The following PCDHA2 variants were observed in gnomAD, a reference collection of about 807,000 sequenced individuals.
PCDHA2 encodes the protein protocadherin alpha 2, also known as protocadherin alpha-2.
In PCDHA2, 58 loss-of-function variants were observed where a neutral mutation model predicts 66.0. That is an observed-to-expected ratio of 0.88 (90% confidence interval 0.71 to 1.09). PCDHA2 has a LOEUF of 1.09. Among genes scored for constraint, PCDHA2 ranks in the 50% least tolerant of loss-of-function variants. The pLI is 0.00. For missense variants in PCDHA2, 1,267 were observed against 1,242.3 expected, an observed-to-expected ratio of 1.02 and a Z score of -0.30; for synonymous variants, 634 against 554.0, an observed-to-expected ratio of 1.14 and a Z score of -2.03.
Position 140,943,173 on chromosome 5 carries a change from G to A in PCDHA2, c.2389-35776G>A, listed in dbSNP as rs143950290. On this transcript the variant is annotated intron_variant, in intron 1 of 3. Coordinates refer to ENST00000526136, the MANE Select transcript of PCDHA2 (RefSeq NM_018905.3). ...CTCTGGAGGCTGAGGCAGGAAAATC[G>A]CTTGAACCCTGGAGGTGGAGGCTGC... is the stretch of plus-strand genomic sequence containing the variant. Among the ~76,000 whole-genome samples the A allele has an allele frequency of 5.6e-3, 834 of 148,712 alleles. 7 individuals are homozygous for A. Among genetic ancestry groups the A allele is most frequent in the African/African-American group, 0.019 (751 of 40,052 alleles).
intron 1 of PCDHA2, chr5:140,807,563 A>G: frequency 1.2e-6 from 2 of 1,614,194 alleles, no homozygotes; most frequent in South Asian, 1.1e-5. Flanking sequence ...GGTGAGGGAC[A>G]TTAACGATAA....
rs976104418 is a variant in PCDHA2 at position 140,967,290 on chromosome 5, C to G, written c.2389-11659C>G. The G allele has an allele frequency of 3.1e-6, 5 of 1,612,712 alleles. No individual in the cohort carries two copies. In the African/African-American group the frequency reaches 5.3e-5, roughly 17 times the overall value. ...TTTCACATAGAGAGTGCGCAGGACC[C>G]CGACGTGGGCGCCAACTCAGTACAG... On this transcript the variant is annotated intron_variant, in intron 1 of 3. Coordinates refer to ENST00000526136, the MANE Select transcript of PCDHA2 (RefSeq NM_018905.3).
chr5:140,900,543 C>T (rs889758586), intron 1 of PCDHA2, among the ~76,000 whole-genome samples: 2 of 152,210 alleles, frequency 1.3e-5, no homozygotes, highest in African/African-American at 4.8e-5. Context: ...TTCCAAAGTG[C>T]TGGGATTACA....
intron 1 of PCDHA2, chr5:140,870,128 C>T: frequency 6.2e-7 from 1 of 1,613,948 alleles, no homozygotes; most frequent in Non-Finnish European, 8.5e-7. Flanking sequence ...ATCTTGGACA[C>T]CAACGATAAC....
intron 1 of PCDHA2, chr5:140,863,137 G>GT (rs1309983213): frequency 1.7e-6 from 1 of 604,700 alleles, no homozygotes; most frequent in Admixed American, 1.9e-5. Context: ...CCGCCTGCTG[G>GT]TGCTGGTGAA....
In PCDHA2 at chr5:140,795,945, C is replaced by T. The variant is rs141546686; in HGVS notation, c.981C>T (p.Thr327=). 25 of 1,613,668 alleles carry T rather than the reference C, an allele frequency of 1.5e-5. No individual in the cohort carries two copies. The African/African-American group carries it at 2.8e-4, about 18-fold the overall frequency. ...EIQVTATDKG[T]PSMSGHCKIS... ...AGGTCACTGCAACTGACAAAGGAAC[C>T]CCTTCAATGTCAGGACATTGTAAAA... Residue 327 remains threonine, a synonymous_variant, in exon 1 of 4, where the codon ACC becomes ACT. Coordinates refer to ENST00000526136, the MANE Select transcript of PCDHA2 (RefSeq NM_018905.3).
chr5:140,928,860 G>T, intron 1 of PCDHA2: 8 of 1,614,154 alleles, frequency 5.0e-6, no homozygotes, highest in Non-Finnish European at 6.8e-6. Flanking sequence ...GTGTGCTGTT[G>T]AGCAACTCTG....
intron 1 of PCDHA2, among the ~76,000 whole-genome samples, chr5:140,952,990 G>T (rs1218296143): frequency 6.6e-6 from 1 of 152,042 alleles, no homozygotes; most frequent in Non-Finnish European, 1.5e-5. Context: ...GATCTCATGA[G>T]AACTCTCTCA....
chr5:140,823,159 T>C, intron 1 of PCDHA2: 2 of 1,613,740 alleles, frequency 1.2e-6, no homozygotes, highest in Non-Finnish European at 1.7e-6. Flanking sequence ...GTATACCGTG[T>C]TCGTGAAGGA....
rs868916626 is a variant in PCDHA2, at chr5:140,946,629, T to C, written c.2389-32320T>C. 3.4e-3 allele frequency among the ~76,000 whole-genome samples: 415 copies of C among 123,330 alleles called. 16 individuals carry two copies. The highest frequency in any genetic ancestry group is 0.017 in the Middle Eastern group (4 of 240). The allele number at this position is 123,330 out of a possible 152,430, so 80.9% of individuals were successfully genotyped here. On this transcript the variant is annotated intron_variant, in intron 1 of 3. Coordinates refer to ENST00000526136, the MANE Select transcript of PCDHA2 (RefSeq NM_018905.3). ...AATGTGAAATATATATATATATATATATACAATGGAATACTCATCAGCCAT... is the reference window on the plus strand; with the variant it reads ...AATGTGAAATATATATATATATATACATACAATGGAATACTCATCAGCCAT...
intron 1 of PCDHA2, among the ~76,000 whole-genome samples, chr5:140,907,751 A>T (rs1443394789): frequency 1.3e-5 from 2 of 152,134 alleles, no homozygotes; most frequent in African/African-American, 4.8e-5. Context: ...CACTTTGTTC[A>T]TGGGCCCATT....
chr5:140,840,029 G>A (rs916611667), intron 1 of PCDHA2, among the ~76,000 whole-genome samples: 1 of 152,050 alleles, frequency 6.6e-6, no homozygotes, highest in African/African-American at 2.4e-5. Flanking sequence ...GTCACGTAGC[G>A]TATCTCCCAG....
At chr5:140,856,690 T>G (rs1368181199) in intron 1 of PCDHA2, 2 of 1,597,086 alleles carry the variant, frequency 1.3e-6, no homozygotes, top group African/African-American at 2.7e-5. Context: ...TGACAGCAAC[T>G]GATGGAGGCA....
At chr5:140,941,760 T>A (rs1343959883) in intron 1 of PCDHA2, among the ~76,000 whole-genome samples, 2 of 152,234 alleles carry the variant, frequency 1.3e-5, no homozygotes, top group Non-Finnish European at 1.5e-5. Flanking sequence ...TCAGTGCTTT[T>A]AAGATAATTG....
At chr5:140,891,078 T>G (rs1554184657) in intron 1 of PCDHA2, among the ~76,000 whole-genome samples, 1 of 152,198 alleles carries the variant, frequency 6.6e-6, no homozygotes, top group Admixed American at 6.6e-5. Flanking sequence ...CAGTGTCTAC[T>G]GGTTTCCATT....
At chr5:140,928,809 G>A (rs1563109634) in intron 1 of PCDHA2, 2 of 1,614,078 alleles carry the variant, frequency 1.2e-6, no homozygotes, top group African/African-American at 2.7e-5. Flanking sequence ...TAGTGGTTCG[G>A]GACCATGGAG....
intron 1 of PCDHA2, chr5:140,807,301 G>T (rs1554123853): frequency 1.2e-6 from 2 of 1,614,166 alleles, no homozygotes; most frequent in Non-Finnish European, 8.5e-7. Flanking sequence ...TCTCCGAGGA[G>T]GCCAAACACG....
chr5:140,841,588 G>C, intron 1 of PCDHA2: 1 of 1,614,070 alleles, frequency 6.2e-7, no homozygotes. Context: ...TGAATTCTCG[G>C]ATCGACCGCG....
chr5:140,858,039 T>C lies in PCDHA2; in HGVS notation c.2388+60687T>C, dbSNP rs782597618. On this transcript the variant is annotated intron_variant, in intron 1 of 3. Transcript: ENST00000526136. ...CCGTCGCTGACGGCCACGGCCACTG[T>C]GCTTGTGTCGCTTGTGGAGGGCAGC... 1.1e-5 allele frequency: 18 copies of C among 1,596,560 alleles called. 2 individuals are homozygous for C. The highest frequency in any genetic ancestry group is 5.5e-5 in the South Asian group (5 of 90,506).
Sources: allele counts gnomAD v4.1 joint callset (sites outside exome capture counted in the v4.1 genomes callset), GRCh38; gene constraint gnomAD v4.1.1; transcripts MANE v1.5; gene names NCBI Gene and HGNC (gene_info 2026-07-23, HGNC 2026-07-21).